Variants in MEI4 observed in about 807,000 individuals in gnomAD.
The protein encoded by MEI4 is meiotic double-stranded break formation protein 4.
A neutral mutation model predicts 31.4 loss-of-function variants in MEI4; 27 were observed. That is an observed-to-expected ratio of 0.86 (90% CI 0.63 to 1.19). The LOEUF (loss-of-function observed/expected upper bound fraction) is 1.19. Among genes scored for constraint, MEI4 ranks in the 50% most tolerant of loss-of-function variants. The pLI is 0.00. For missense variants in MEI4, 329 were observed against 398.9 expected (o/e 0.82, Z 1.49); for synonymous variants, 122 against 145.4 (o/e 0.84, Z 1.16).
chr6:77,865,664 G>A (rs139699267), intron 4 of MEI4, among the ~76,000 whole-genome samples: 3 of 152,256 alleles, frequency 2.0e-5, no homozygotes, highest in African/African-American at 7.2e-5. Context: ...GGAGGAGCTG[G>A]TACCATTCCT....
At chr6:77,652,341 G>A (rs889705468), upstream of MEI4, among the ~76,000 whole-genome samples, 1 of 152,208 alleles carries the variant, frequency 6.6e-6, no homozygotes, top group African/African-American at 2.4e-5. Context: ...AGGAGTGCTC[G>A]TCAGGGTCAA....
chr6:77,768,610 G>T (rs1768232728), intron 3 of MEI4, among the ~76,000 whole-genome samples: 1 of 151,660 alleles, frequency 6.6e-6, no homozygotes, highest in South Asian at 2.1e-4. Flanking sequence ...TGAGGCAGGA[G>T]AATCGCTTGG....
intron 4 of MEI4, among the ~76,000 whole-genome samples, chr6:77,912,042 A>G (rs962031453): frequency 7.9e-5 from 12 of 152,008 alleles, no homozygotes; most frequent in African/African-American, 1.4e-4. Flanking sequence ...ATTCTTCCAC[A>G]TATGGATATA....
chr6:77,841,331 A>ACATATATATATATATATT lies in MEI4; in HGVS notation c.900+12269_900+12270insCATATATATATATATATT, dbSNP rs1275587855. 5.1e-4 allele frequency among the ~76,000 whole-genome samples: 18 copies of ACATATATATATATATATT among 35,472 alleles called. 1 individual carries two copies. Among genetic ancestry groups the ACATATATATATATATATT allele is most frequent in the Non-Finnish European group, 5.7e-4 (13 of 22,974 alleles). The allele number at this position is 35,472 out of a possible 152,430, so 23.3% of individuals were successfully genotyped here. On this transcript the variant is annotated intron_variant, in intron 4 of 4. Coordinates refer to ENST00000684080, the MANE Select transcript of MEI4 (RefSeq NM_001322247.2). ...AATGTGTGCATATATATATATATAT[A>ACATATATATATATATATT]TATTTTTTTTTTTTTTTTTTTTTTT...
At chr6:77,664,395 G>A (rs1297849979) in intron 1 of MEI4, among the ~76,000 whole-genome samples, 1 of 152,130 alleles carries the variant, frequency 6.6e-6, no homozygotes, top group South Asian at 2.1e-4. Context: ...AACGCTATCT[G>A]ATTTGGGATA....
intron 3 of MEI4, among the ~76,000 whole-genome samples, chr6:77,827,250 CA>C (rs1442947590): frequency 1.3e-4 from 19 of 150,202 alleles, no homozygotes; most frequent in African/African-American, 4.4e-4. Context: ...GTCCCAGCTA[CA>C]TTGGGAGGCT....
At position 77,723,288 on chromosome 6, in the gene MEI4, G is replaced by A. The variant is rs1175168592; in HGVS notation, c.232+32385G>A. 8.6e-5 allele frequency among the ~76,000 whole-genome samples: 12 copies of A among 138,960 alleles called. 1 individual carries two copies. The South Asian group carries it at 1.8e-3, about 20-fold the overall frequency. 91.2% of individuals were successfully genotyped at this position (138,960 alleles called of 152,430 possible). A position where few individuals can be genotyped will look rare whatever the true frequency, so the allele number is the denominator to read the frequency against. On this transcript the variant is annotated intron_variant, in intron 2 of 4. Coordinates refer to ENST00000684080, the MANE Select transcript of MEI4 (RefSeq NM_001322247.2). ...CTACTGCTGCACTGCCACTTGTGGC[G>A]GGGGACAATTGTTGTATTGTGGTAA...
intron 4 of MEI4, among the ~76,000 whole-genome samples, chr6:77,874,974 C>T (rs1016107421): frequency 6.6e-6 from 1 of 152,124 alleles, no homozygotes; most frequent in African/African-American, 2.4e-5. Context: ...TTTTAGTTTC[C>T]TTACTTTTAA....
At chr6:77,654,600 A>G (rs1768360020) in intron 1 of MEI4, among the ~76,000 whole-genome samples, 1 of 150,366 alleles carries the variant, frequency 6.7e-6, no homozygotes, top group Non-Finnish European at 1.5e-5. Context: ...ACTACTGTTT[A>G]TTTTTTATGT....
chr6:77,701,564 A>G (rs1582039342), intron 2 of MEI4, among the ~76,000 whole-genome samples: 1 of 151,980 alleles, frequency 6.6e-6, no homozygotes, highest in Non-Finnish European at 1.5e-5. Flanking sequence ...ATATTCATAA[A>G]TCATAGATAG....
chr6:77,773,070 A>G (rs1472709834), intron 3 of MEI4, among the ~76,000 whole-genome samples: 2 of 152,000 alleles, frequency 1.3e-5, no homozygotes, highest in Non-Finnish European at 2.9e-5. Flanking sequence ...AATATATTTC[A>G]TGTTCATGGA....
intron 4 of MEI4, among the ~76,000 whole-genome samples, chr6:77,864,926 C>G (rs1300449139): frequency 6.6e-6 from 1 of 152,134 alleles, no homozygotes; most frequent in Non-Finnish European, 1.5e-5. Flanking sequence ...GATTAAGAAA[C>G]TCACTCAAAA....
chr6:77,702,560 C>G (rs989209447), intron 2 of MEI4, among the ~76,000 whole-genome samples: 1 of 152,202 alleles, frequency 6.6e-6, no homozygotes, highest in Non-Finnish European at 1.5e-5. Flanking sequence ...GCATTTCTCT[C>G]CATTCCTGAT....
intron 3 of MEI4, among the ~76,000 whole-genome samples, chr6:77,828,682 T>G (rs1329456689): frequency 6.6e-6 from 1 of 152,204 alleles, no homozygotes; most frequent in Non-Finnish European, 1.5e-5. Flanking sequence ...AACTATTATC[T>G]TTTGCTATTT....
chr6:77,671,134 T>G (rs1472245412), intron 1 of MEI4, among the ~76,000 whole-genome samples: 1 of 145,620 alleles, frequency 6.9e-6, no homozygotes, highest in Non-Finnish European at 1.5e-5. Flanking sequence ...CTCAGCTCAC[T>G]GCAACCTCCA....
intron 1 of MEI4, among the ~76,000 whole-genome samples, chr6:77,661,432 C>G (rs1056824268): frequency 2.0e-5 from 3 of 152,116 alleles, no homozygotes; most frequent in African/African-American, 4.8e-5. Context: ...AGGCCTCTAC[C>G]CATCCAGTGA....
At position 77,923,381 on chromosome 6, in the gene MEI4, T is replaced by G. The variant is rs1766757285; in HGVS notation, c.*35T>G. ...TTAGCAATTTACCACGTTTGAAGCA[T>G]AATAAAGTAGAATATATGAAAATCT... On this transcript the variant is annotated 3_prime_UTR_variant, in exon 5 of 5. Transcript: ENST00000684080. 3.3e-6 allele frequency: 4 copies of G among 1,222,500 alleles called. No individual in the cohort carries two copies. In the Admixed American group the frequency reaches 1.7e-4, roughly 52 times the overall value. 75.7% of individuals were successfully genotyped at this position (1,222,500 alleles called of 1,614,324 possible). A position where few individuals can be genotyped will look rare whatever the true frequency, so the allele number is the denominator to read the frequency against.
chr6:77,711,763 G>C (rs62418225), intron 2 of MEI4, among the ~76,000 whole-genome samples: 42,691 of 152,034 alleles, frequency 0.28, 6,771 homozygotes, highest in South Asian at 0.39. Context: ...GAAGTAGACT[G>C]TTTCTTCTAC....
intron 3 of MEI4, among the ~76,000 whole-genome samples, chr6:77,828,262 A>ACCAGTACTGGT (rs1369358899): frequency 2.7e-5 from 4 of 150,744 alleles, no homozygotes; most frequent in Non-Finnish European, 5.9e-5. Context: ...CAGGCCATGG[A>ACCAGTACTGGT]CCAGTACTGG....
Sources: allele counts gnomAD v4.1 joint callset (sites outside exome capture counted in the v4.1 genomes callset), GRCh38; gene constraint gnomAD v4.1.1; transcripts MANE v1.5; gene names NCBI Gene and HGNC (gene_info 2026-07-23, HGNC 2026-07-21).